Variants in TIGIT observed in about 807,000 individuals in gnomAD.
TIGIT encodes T cell immunoreceptor with Ig and ITIM domains.
In TIGIT, 11 loss-of-function variants were observed where a neutral mutation model predicts 19.6. That is an observed-to-expected ratio of 0.56 (90% CI 0.35 to 0.93). The LOEUF (loss-of-function observed/expected upper bound fraction) is 0.93. TIGIT is among the 40% of genes least tolerant of loss of function. The probability of loss-of-function intolerance (pLI) is 0.01; values close to 1 mark genes in which losing one functional copy is unlikely to be tolerated. For missense variants in TIGIT, 295 were observed against 303.9 expected, an observed-to-expected ratio of 0.97 and a Z score of 0.22; for synonymous variants, 130 against 125.5, an observed-to-expected ratio of 1.04 and a Z score of -0.24.
intron 3 of TIGIT, among the ~76,000 whole-genome samples, chr3:114,304,641 T>C (rs2078519077): frequency 6.6e-6 from 1 of 152,208 alleles, no homozygotes; most frequent in South Asian, 2.1e-4. Flanking sequence ...GTATATAACC[T>C]TTCTATTCTC....
chr3:114,294,492 A>G (rs2078440824), intron 1 of TIGIT, among the ~76,000 whole-genome samples: 1 of 152,154 alleles, frequency 6.6e-6, no homozygotes, highest in Non-Finnish European at 1.5e-5. Flanking sequence ...TTCCAGGAAA[A>G]CATTATAAGT....
intron 2 of TIGIT, among the ~76,000 whole-genome samples, chr3:114,298,474 T>C (rs953256506): frequency 5.3e-5 from 8 of 152,174 alleles, no homozygotes; most frequent in Admixed American, 4.6e-4. Context: ...CCAATCTGGC[T>C]CTGTCCCCAA....
In TIGIT at chr3:114,307,870, C is replaced by G. The variant is rs143299551; in HGVS notation, c.499-25C>G. On this transcript the variant is annotated intron_variant, in intron 3 of 3. Transcript: ENST00000383671. ...CTGTTGAATAACATCCCCACATACTCACTTTGTAGTTTGTTTGTTTTTAGA... is the reference window on the plus strand; with the variant it reads ...CTGTTGAATAACATCCCCACATACTGACTTTGTAGTTTGTTTGTTTTTAGA... The G allele has an allele frequency of 2.5e-6, 4 of 1,596,384 alleles. No individual in the cohort carries two copies. The Admixed American group carries it at 6.7e-5, about 27-fold the overall frequency.
chr3:114,310,104 A>C lies in TIGIT; in HGVS notation c.*1973A>C, dbSNP rs1383540113. ...TAGCCACTTTCCACATGTGGCCATC[A>C]ACCACTTAAGATGGGGTTAGTTTAA... On this transcript the variant is annotated 3_prime_UTR_variant, in exon 4 of 4. Coordinates refer to ENST00000383671, the MANE Select transcript of TIGIT (RefSeq NM_173799.4). 6.6e-6 allele frequency: 1 copy of C among 152,194 alleles called. No individual in the cohort carries two copies. Among genetic ancestry groups the C allele is most frequent in the Admixed American group, 6.5e-5 (1 of 15,286 alleles). 9.4% of individuals were successfully genotyped at this position (152,194 alleles called of 1,614,324 possible). A position where few individuals can be genotyped will look rare whatever the true frequency, so the allele number is the denominator to read the frequency against.
chr3:114,297,731 T>G (rs572358077), intron 2 of TIGIT, among the ~76,000 whole-genome samples: 1 of 152,240 alleles, frequency 6.6e-6, no homozygotes, highest in African/African-American at 2.4e-5. Flanking sequence ...CACGGCTATT[T>G]CCCAGCCTGA....
intron 2 of TIGIT, among the ~76,000 whole-genome samples, chr3:114,296,418 G>C (rs1247395019): frequency 6.6e-6 from 1 of 152,180 alleles, no homozygotes; most frequent in Non-Finnish European, 1.5e-5. Flanking sequence ...TCTTATCTGA[G>C]AGACAGTATA....
rs1349083891 is a variant in TIGIT, at chr3:114,309,298, G to A, written c.*1167G>A. On this transcript the variant is annotated 3_prime_UTR_variant, in exon 4 of 4. Transcript: ENST00000383671. ...ACTTTGTGCTGGGGTTGGGGTAACTGAACCGCTTATTTCTGTTTAATTGCA... is the reference window on the plus strand; with the variant it reads ...ACTTTGTGCTGGGGTTGGGGTAACTAAACCGCTTATTTCTGTTTAATTGCA... The A allele has an allele frequency of 1.3e-5, 2 of 152,198 alleles. No homozygotes were observed. Among genetic ancestry groups the A allele is most frequent in the Non-Finnish European group, 2.9e-5 (2 of 68,028 alleles). 9.4% of individuals were successfully genotyped at this position (152,198 alleles called of 1,614,324 possible).
chr3:114,296,058 A>G (rs79499544), intron 2 of TIGIT, 184 bp downstream of exon 2: 11,423 of 572,928 alleles, frequency 0.02, 196 homozygotes, highest in Non-Finnish European at 0.028. Context: ...CTAATAGCAG[A>G]GCTAAACAAG....
rs62265718 is a variant in TIGIT at position 114,305,842 on chromosome 3, A to G, written c.499-2053A>G. 2.1e-3 allele frequency among the ~76,000 whole-genome samples: 308 copies of G among 149,312 alleles called. 3 individuals are homozygous for G. Among genetic ancestry groups the G allele is most frequent in the East Asian group, 0.015 (71 of 4,788 alleles). ...GATGGATGGATGGTTGGATGGATGG[A>G]TGGGTGGGTGGATGGATGGATGGAT... On this transcript the variant is annotated intron_variant, in intron 3 of 3. Transcript: ENST00000383671.
rs1418877500 is a variant in TIGIT, at chr3:114,310,236, G to T, written c.*2105G>T. 1 of 152,138 alleles carries T rather than the reference G, an allele frequency of 6.6e-6. No individual in the cohort carries two copies. The highest frequency in any genetic ancestry group is 2.4e-5 in the African/African-American group (1 of 41,430). The allele number at this position is 152,138 out of a possible 1,614,324, so 9.4% of individuals were successfully genotyped here. A position where few individuals can be genotyped will look rare whatever the true frequency, so the allele number is the denominator to read the frequency against. ...TTTCAGTAGTTTTGGTATATTGTGT[G>T]TCAAAAATGATAATATTTTGGATGT... On this transcript the variant is annotated 3_prime_UTR_variant, in exon 4 of 4. Transcript: ENST00000383671.
Position 114,295,843 on chromosome 3 carries a change from G to A in TIGIT, c.360G>A (p.Gly120=). The A allele has an allele frequency of 1.2e-6, 2 of 1,607,110 alleles. No individual in the cohort carries two copies. The highest frequency in any genetic ancestry group is 2.2e-5 in the East Asian group (1 of 44,692). ...CCTACCCTGATGGGACGTACACTGG[G>A]AGAATCTTCCTGGAGGTCCTAGAAA... The part of the protein sequence containing the change: ...YHTYPDGTYT[G]RIFLEVLESS... Residue 120 remains glycine, a synonymous_variant, in exon 2 of 4, where the codon GGG becomes GGA. Transcript: ENST00000383671.
At chr3:114,303,560 T>TAC (rs2078508514) in intron 3 of TIGIT, among the ~76,000 whole-genome samples, 11 of 5,814 alleles carry the variant, frequency 1.9e-3, no homozygotes, top group African/African-American at 3.0e-3. Context: ...TGTATATATA[T>TAC]ATACATATAT....
chr3:114,295,404 T>C (rs541462527), intron 1 of TIGIT, 141 bp from the exon 2 acceptor site: 3 of 695,064 alleles, frequency 4.3e-6, no homozygotes, highest in Non-Finnish European at 7.7e-6. Context: ...TTACAGCCTC[T>C]ATGGAGGAGC....
At chr3:114,301,435 G>A (rs1252750887) in intron 3 of TIGIT, among the ~76,000 whole-genome samples, 1 of 152,190 alleles carries the variant, frequency 6.6e-6, no homozygotes, top group East Asian at 1.9e-4. Context: ...TCTATGGGAA[G>A]GTGAGGACAA....
chr3:114,295,612 A>T lies in TIGIT; in HGVS notation c.129A>T (p.Leu43Phe), dbSNP rs1429798923. 1 of 1,614,206 alleles carries T rather than the reference A, an allele frequency of 6.2e-7. No individual in the cohort carries two copies. Among genetic ancestry groups the T allele is most frequent in the South Asian group, 1.1e-5 (1 of 91,082 alleles). Reference protein sequence around the residue: ...ISAEKGGSIILQCHLSSTTAQ... With the variant: ...ISAEKGGSIIFQCHLSSTTAQ... ...CAGAGAAAGGTGGCTCTATCATCTTACAATGTCACCTCTCCTCCACCACGG... is the reference window on the plus strand; with the variant it reads ...CAGAGAAAGGTGGCTCTATCATCTTTCAATGTCACCTCTCCTCCACCACGG... The change falls in exon 2 of 4, where the codon TTA becomes TTT. Residue 43 changes from leucine to phenylalanine, a missense_variant. Coordinates refer to ENST00000383671, the MANE Select transcript of TIGIT (RefSeq NM_173799.4).
intron 3 of TIGIT, among the ~76,000 whole-genome samples, chr3:114,302,330 T>C (rs1229130717): frequency 2.0e-5 from 3 of 152,326 alleles, no homozygotes; most frequent in South Asian, 4.1e-4. Flanking sequence ...AAGAGGCAAA[T>C]GGCTGGTATC....
chr3:114,295,468 G>T (rs978251012), intron 1 of TIGIT, 77 bp from the exon 2 acceptor site: 44 of 1,194,350 alleles, frequency 3.7e-5, no homozygotes, highest in Middle Eastern at 4.9e-4. Flanking sequence ...GGCCTCAAAG[G>T]CCCTTAGAAT....
chr3:114,302,195 A>G (rs1346768538), intron 3 of TIGIT, among the ~76,000 whole-genome samples: 1 of 152,148 alleles, frequency 6.6e-6, no homozygotes, highest in African/African-American at 2.4e-5. Flanking sequence ...CCATTCCCCT[A>G]CTGTTGCTTT....
chr3:114,307,866 T>A lies in TIGIT; in HGVS notation c.499-29T>A, dbSNP rs200831841. On this transcript the variant is annotated intron_variant, in intron 3 of 3. Transcript: ENST00000383671. The stretch of plus-strand genomic sequence containing the variant: ...TTAACTGTTGAATAACATCCCCACA[T>A]ACTCACTTTGTAGTTTGTTTGTTTT... The A allele has an allele frequency of 1.8e-4, 283 of 1,592,564 alleles. 1 individual carries two copies. The highest frequency in any genetic ancestry group is 1.2e-5 in the Non-Finnish European group (14 of 1,160,676).
Sources: gnomAD v4.1 joint callset for allele counts (sites outside exome capture counted in the v4.1 genomes callset) on GRCh38, gnomAD v4.1.1 for gene constraint, MANE v1.5 for transcripts, NCBI Gene and HGNC (gene_info 2026-07-23, HGNC 2026-07-21) for gene names.